ERBB4: variants seen among roughly 807,000 people sequenced by gnomAD.
ERBB4 encodes the protein receptor tyrosine-protein kinase erbB-4.
A neutral mutation model predicts 158.0 loss-of-function variants in ERBB4; 42 were observed. The ratio of observed to expected loss-of-function variants is 0.27; its 90% CI spans 0.21 to 0.34. ERBB4 has a LOEUF of 0.34. Among genes scored for constraint, ERBB4 ranks in the 10% least tolerant of loss-of-function variants. ERBB4 has a pLI of 1.00. For synonymous variants in ERBB4, 583 were observed against 558.7 expected, an observed-to-expected ratio of 1.04 and a Z score of -0.61; for missense variants, 1,333 against 1,624.1, an observed-to-expected ratio of 0.82 and a Z score of 3.08.
chr2:212,007,250 T>G (rs1014812023), intron 2 of ERBB4, among the ~76,000 whole-genome samples: 2 of 151,946 alleles, frequency 1.3e-5, no homozygotes, highest in African/African-American at 4.8e-5. Context: ...ATTCTTCTGT[T>G]TGTAAAGGAA....
At chr2:212,397,606 C>T (rs2091068538) in intron 1 of ERBB4, among the ~76,000 whole-genome samples, 1 of 152,088 alleles carries the variant, frequency 6.6e-6, no homozygotes, top group East Asian at 1.9e-4. Flanking sequence ...TTATTACACT[C>T]CTCTCTTTCC....
intron 1 of ERBB4, among the ~76,000 whole-genome samples, chr2:212,298,775 TG>T: frequency 6.6e-6 from 1 of 151,856 alleles, no homozygotes; most frequent in South Asian, 2.1e-4. Context: ...AATAGCAAAA[TG>T]ATTTTTTTGT....
At chr2:211,548,984 A>G (rs1014753199) in intron 20 of ERBB4, among the ~76,000 whole-genome samples, 1 of 152,098 alleles carries the variant, frequency 6.6e-6, no homozygotes, top group Non-Finnish European at 1.5e-5. Context: ...GTTCCACAAA[A>G]GAAAATTTTC....
intron 20 of ERBB4, among the ~76,000 whole-genome samples, chr2:211,467,738 T>C (rs954731948): frequency 6.6e-6 from 1 of 152,146 alleles, no homozygotes; most frequent in African/African-American, 2.4e-5. Context: ...GGCTAGGCCA[T>C]ATGGGAGGAA....
chr2:211,827,244 C>A (rs2105959431), intron 3 of ERBB4, among the ~76,000 whole-genome samples: 1 of 152,134 alleles, frequency 6.6e-6, no homozygotes, highest in East Asian at 1.9e-4. Flanking sequence ...CTCATTCATT[C>A]ATTCACATGA....
chr2:211,408,374 C>G (rs2063187747), intron 25 of ERBB4, among the ~76,000 whole-genome samples: 1 of 152,154 alleles, frequency 6.6e-6, no homozygotes, highest in East Asian at 1.9e-4. Flanking sequence ...CTAGTTGTCC[C>G]TCCCACCTCT....
chr2:212,183,350 G>T (rs528872842), intron 1 of ERBB4, among the ~76,000 whole-genome samples: 1 of 152,096 alleles, frequency 6.6e-6, no homozygotes, highest in Admixed American at 6.6e-5. Context: ...ACAGAGGGCT[G>T]AACCATGGGT....
rs756903297 is a variant in ERBB4, at chr2:212,124,784, T to G, written c.202A>C (p.Ile68Leu). The change falls in exon 2 of 28, where the codon ATT becomes CTT. Residue 68 changes from isoleucine to leucine, a missense_variant. By Grantham distance (5) the Ile-to-Leu change is conservative (BLOSUM62 2). This residue lies in a region of ERBB4 where 438 missense variants were observed against 586.9 expected (regional missense o/e 0.75). Coordinates refer to ENST00000342788, the MANE Select transcript of ERBB4 (RefSeq NM_005235.3). ...VVMGNLEITS[I>L]EHNRDLSFLR... ...AAGGAGAGGTCCCGGTTGTGCTCAA[T>G]GCTGGTTATCTCCAGGTTGCCCATG... 4.3e-6 allele frequency: 7 copies of G among 1,614,058 alleles called. No individual in the cohort carries two copies. Among genetic ancestry groups the G allele is most frequent in the Non-Finnish European group, 5.1e-6 (6 of 1,180,022 alleles).
chr2:212,242,684 A>G (rs1574503775), intron 1 of ERBB4, among the ~76,000 whole-genome samples: 1 of 152,312 alleles, frequency 6.6e-6, no homozygotes, highest in East Asian at 1.9e-4. Flanking sequence ...CAAAAAAAAA[A>G]TACACTGAAT....
At chr2:211,448,274 A>G (rs58121273) in intron 20 of ERBB4, among the ~76,000 whole-genome samples, 12,751 of 152,098 alleles carry the variant, frequency 0.084, 1,800 homozygotes, top group African/African-American at 0.29. Flanking sequence ...CACCCAGCCT[A>G]TTATTATTTT....
intron 2 of ERBB4, among the ~76,000 whole-genome samples, chr2:211,976,970 G>A (rs2081626096): frequency 6.6e-6 from 1 of 152,208 alleles, no homozygotes; most frequent in Non-Finnish European, 1.5e-5. Context: ...GTTAAATAGT[G>A]CCTATACATA....
chr2:211,823,587 T>C lies in ERBB4; in HGVS notation c.422-35428A>G, dbSNP rs375622627. Among the ~76,000 whole-genome samples the C allele has an allele frequency of 1.0e-3, 159 of 152,180 alleles. 1 individual carries two copies. The highest frequency in any genetic ancestry group is 3.6e-3 in the African/African-American group (148 of 41,562). ...CTCTCAGCTGCAAATGGAGAATCTA[T>C]AGAACCTTATGTAATCTTATCTAAC... On this transcript the variant is annotated intron_variant, in intron 3 of 27. Coordinates refer to ENST00000342788, the MANE Select transcript of ERBB4 (RefSeq NM_005235.3).
intron 1 of ERBB4, among the ~76,000 whole-genome samples, chr2:212,188,839 T>C (rs1390982579): frequency 6.6e-6 from 1 of 152,132 alleles, no homozygotes; most frequent in Non-Finnish European, 1.5e-5. Context: ...GTATTCATTA[T>C]AAGCTACATG....
chr2:212,293,847 C>A (rs377462387), intron 1 of ERBB4, among the ~76,000 whole-genome samples: 181 of 63,692 alleles, frequency 2.8e-3, no homozygotes, highest in Middle Eastern at 0.017. Context: ...GACTCTGTCT[C>A]AAAAAAAAAA....
intron 2 of ERBB4, among the ~76,000 whole-genome samples, chr2:211,952,687 C>T (rs532579161): frequency 3.9e-5 from 6 of 152,176 alleles, no homozygotes. Context: ...GGTTGCTTAA[C>T]CTCATTTAGC....
intron 20 of ERBB4, among the ~76,000 whole-genome samples, chr2:211,503,566 A>T (rs2065670227): frequency 6.6e-6 from 1 of 152,022 alleles, no homozygotes; most frequent in African/African-American, 2.4e-5. Context: ...GATAGTTGCA[A>T]TTTCTGCTTC....
intron 19 of ERBB4, among the ~76,000 whole-genome samples, chr2:211,580,807 TATATA>T (rs1247647159): frequency 2.0e-4 from 11 of 55,684 alleles, no homozygotes; most frequent in African/African-American, 1.4e-3. Context: ...TATATATATA[TATATA>T]ATATATATAT....
chr2:211,997,729 T>C (rs1255388240), intron 2 of ERBB4, among the ~76,000 whole-genome samples: 1 of 151,998 alleles, frequency 6.6e-6, no homozygotes, highest in Non-Finnish European at 1.5e-5. Context: ...TTAATGCAAT[T>C]ACTGAGCCAC....
chr2:212,089,155 C>A (rs930529363), intron 2 of ERBB4, among the ~76,000 whole-genome samples: 1 of 151,986 alleles, frequency 6.6e-6, no homozygotes, highest in Non-Finnish European at 1.5e-5. Context: ...AAATACCAAC[C>A]TGATTTCACA....
Sources: allele counts gnomAD v4.1 joint callset (sites outside exome capture counted in the v4.1 genomes callset), GRCh38; gene constraint gnomAD v4.1.1; regional missense constraint gnomAD v4.1.1; transcripts MANE v1.5; gene names NCBI Gene and HGNC (gene_info 2026-07-23, HGNC 2026-07-21).